GRID2: variants seen among roughly 807,000 people sequenced by gnomAD.
GRID2 encodes the protein glutamate receptor ionotropic, delta-2.
In GRID2, 33 loss-of-function variants were observed where a neutral mutation model predicts 114.8. The observed-to-expected ratio is 0.29, with a 90% confidence interval of 0.22 to 0.38. GRID2 has a LOEUF of 0.38. Ranked by LOEUF, GRID2 falls within the 10% of genes least tolerant of loss-of-function variation. The probability of loss-of-function intolerance (pLI) is 1.00; values close to 1 mark genes in which losing one functional copy is unlikely to be tolerated. For missense variants in GRID2, 1,184 were observed against 1,257.7 expected (o/e 0.94, Z 0.89); for synonymous variants, 505 against 449.9 (o/e 1.12, Z -1.55).
At chr4:92,753,106 A>T (rs1007827208) in intron 2 of GRID2, among the ~76,000 whole-genome samples, 2 of 152,192 alleles carry the variant, frequency 1.3e-5, no homozygotes, top group Admixed American at 1.3e-4. Flanking sequence ...TTACAAATGT[A>T]AGTAATACAC....
chr4:93,794,558 G>C (rs1461139857), intron 1 of GRID2, among the ~76,000 whole-genome samples: 2 of 152,154 alleles, frequency 1.3e-5, no homozygotes, highest in Non-Finnish European at 1.5e-5. Flanking sequence ...TTATGCCCGA[G>C]GATGGGGGTC....
At chr4:93,362,087 C>T (rs987991130) in intron 8 of GRID2, among the ~76,000 whole-genome samples, 1 of 152,070 alleles carries the variant, frequency 6.6e-6, no homozygotes, top group Non-Finnish European at 1.5e-5. Flanking sequence ...ACTGCTGTTG[C>T]TTGTTACACT....
intron 13 of GRID2, among the ~76,000 whole-genome samples, chr4:93,620,542 G>A (rs1742117330): frequency 6.6e-6 from 1 of 152,308 alleles, no homozygotes; most frequent in East Asian, 1.9e-4. Context: ...TCATGATGGA[G>A]ATGTCAGAAC....
At chr4:92,868,050 TTCTTTCTTTCTTTCTTTCTGTCTG>T (rs1427968109) in intron 2 of GRID2, among the ~76,000 whole-genome samples, 170 of 141,098 alleles carry the variant, frequency 1.2e-3, no homozygotes, top group East Asian at 0.011. Flanking sequence ...CTTTCTTTCT[TTCTTTCTTTCTTTCTTTCTGTCTG>T]TCTGTCTGTC....
intron 1 of GRID2, among the ~76,000 whole-genome samples, chr4:92,462,871 G>C (rs1721564270): frequency 1.3e-5 from 2 of 151,902 alleles, no homozygotes; most frequent in Non-Finnish European, 2.9e-5. Flanking sequence ...TTTCTATGGA[G>C]GGCCATGTGA....
chr4:93,087,603 G>C (rs532937133), intron 3 of GRID2, among the ~76,000 whole-genome samples: 3 of 152,108 alleles, frequency 2.0e-5, no homozygotes, highest in Admixed American at 1.3e-4. Context: ...AAATAAGATG[G>C]AATAATTATG....
At chr4:93,128,994 T>A (rs1158317569) in intron 4 of GRID2, among the ~76,000 whole-genome samples, 2 of 152,170 alleles carry the variant, frequency 1.3e-5, no homozygotes, top group African/African-American at 2.4e-5. Context: ...ATATATTGAT[T>A]GCCATGAAAG....
intron 10 of GRID2, among the ~76,000 whole-genome samples, chr4:93,447,414 A>G (rs1722191531): frequency 6.6e-6 from 1 of 152,052 alleles, no homozygotes; most frequent in Non-Finnish European, 1.5e-5. Flanking sequence ...ATATAAAACA[A>G]AAACAAGCCT....
intron 1 of GRID2, among the ~76,000 whole-genome samples, chr4:92,476,305 G>A (rs55705165): frequency 0.018 from 2,755 of 152,208 alleles, 90 homozygotes; most frequent in African/African-American, 0.063. Flanking sequence ...AATTATAGGC[G>A]TGAGCAACTG....
chr4:92,414,836 T>C (rs1731515875), intron 1 of GRID2, among the ~76,000 whole-genome samples: 1 of 152,142 alleles, frequency 6.6e-6, no homozygotes, highest in Non-Finnish European at 1.5e-5. Context: ...GCAGAAGACC[T>C]CACTAAGTGG....
intron 2 of GRID2, among the ~76,000 whole-genome samples, chr4:92,953,416 T>G (rs993562681): frequency 7.9e-5 from 12 of 152,208 alleles, no homozygotes; most frequent in Admixed American, 4.6e-4. Context: ...TGCTCTTAGC[T>G]TTAGAAAAAT....
intron 4 of GRID2, among the ~76,000 whole-genome samples, chr4:93,139,455 A>G (rs970095580): frequency 6.6e-6 from 1 of 152,222 alleles, no homozygotes; most frequent in Non-Finnish European, 1.5e-5. Flanking sequence ...TGATGGAGGT[A>G]GATCTGGAGA....
chr4:93,358,855 T>C (rs1191103603), intron 8 of GRID2, among the ~76,000 whole-genome samples: 1 of 152,134 alleles, frequency 6.6e-6, no homozygotes, highest in Non-Finnish European at 1.5e-5. Context: ...TAATTTTCTG[T>C]TTTCTGCTAT....
intron 8 of GRID2, among the ~76,000 whole-genome samples, chr4:93,337,102 T>A (rs1759169770): frequency 6.6e-6 from 1 of 152,194 alleles, no homozygotes; most frequent in Non-Finnish European, 1.5e-5. Flanking sequence ...TGTAATTTTA[T>A]AACATTCCAT....
At chr4:93,559,930 G>T (rs965587368) in intron 13 of GRID2, among the ~76,000 whole-genome samples, 4 of 152,032 alleles carry the variant, frequency 2.6e-5, no homozygotes, top group African/African-American at 9.7e-5. Context: ...TCTTTGCAGG[G>T]ACATAGATGA....
intron 4 of GRID2, among the ~76,000 whole-genome samples, chr4:93,150,369 C>T (rs895544421): frequency 6.6e-5 from 10 of 152,100 alleles, no homozygotes; most frequent in African/African-American, 1.2e-4. Context: ...TACATAAATA[C>T]ACAAAACACA....
intron 2 of GRID2, among the ~76,000 whole-genome samples, chr4:93,020,514 A>G (rs1168756779): frequency 6.6e-6 from 1 of 152,188 alleles, no homozygotes; most frequent in Non-Finnish European, 1.5e-5. Flanking sequence ...TAAATGGTAA[A>G]AAAACATAGT....
At chr4:92,961,658 C>A (rs990193343) in intron 2 of GRID2, among the ~76,000 whole-genome samples, 2 of 151,134 alleles carry the variant, frequency 1.3e-5, no homozygotes, top group African/African-American at 4.9e-5. Flanking sequence ...GTTTTCTTAG[C>A]ATTTATCTTG....
At chr4:92,338,659 A>G (rs544482008) in intron 1 of GRID2, among the ~76,000 whole-genome samples, 43 of 152,232 alleles carry the variant, frequency 2.8e-4, no homozygotes, top group African/African-American at 1.0e-3. Flanking sequence ...GTATGGTAAA[A>G]ATTCATAAAA....
Sources: allele counts gnomAD v4.1 joint callset (sites outside exome capture counted in the v4.1 genomes callset), GRCh38; gene constraint gnomAD v4.1.1; transcripts MANE v1.5; gene names NCBI Gene and HGNC (gene_info 2026-07-23, HGNC 2026-07-21).